SLC35F1: variants seen among roughly 807,000 people sequenced by gnomAD.
SLC35F1 encodes solute carrier family 35 member F1.
SLC35F1 carries 14 observed loss-of-function variants against 48.7 expected under a neutral mutation model. The ratio of observed to expected loss-of-function variants is 0.29; its 90% CI spans 0.19 to 0.45. The LOEUF (loss-of-function observed/expected upper bound fraction) is 0.45, where lower values mean the gene tolerates loss of function less well. Among genes scored for constraint, SLC35F1 ranks in the 20% least tolerant of loss-of-function variants. SLC35F1 has a pLI of 1.00. For missense variants in SLC35F1, 404 were observed against 500.0 expected (o/e 0.81, Z 1.83); for synonymous variants, 190 against 202.2 (o/e 0.94, Z 0.51).
chr6:118,053,733 C>G (rs1772423824), intron 1 of SLC35F1, among the ~76,000 whole-genome samples: 3 of 152,044 alleles, frequency 2.0e-5, no homozygotes, highest in Admixed American at 6.6e-5. Context: ...ACATTTCCCT[C>G]TTTTTAGGGT....
At chr6:118,106,501 T>A (rs1056323583) in intron 1 of SLC35F1, among the ~76,000 whole-genome samples, 1 of 152,210 alleles carries the variant, frequency 6.6e-6, no homozygotes. Context: ...CAGCCACTGC[T>A]AAGCTAAATC....
At chr6:118,173,415 A>C (rs1774439015) in intron 2 of SLC35F1, among the ~76,000 whole-genome samples, 1 of 150,592 alleles carries the variant, frequency 6.6e-6, no homozygotes, top group African/African-American at 2.5e-5. Flanking sequence ...AAAAAAAAAC[A>C]GCCAAAACTT....
At chr6:117,949,341 A>G (rs1198150209) in intron 1 of SLC35F1, among the ~76,000 whole-genome samples, 1 of 152,202 alleles carries the variant, frequency 6.6e-6, no homozygotes, top group Non-Finnish European at 1.5e-5. Flanking sequence ...TCTTGAAATT[A>G]TTAGGAATAA....
chr6:118,116,693 A>C (rs1773480392), intron 1 of SLC35F1, among the ~76,000 whole-genome samples: 1 of 152,078 alleles, frequency 6.6e-6, no homozygotes, highest in African/African-American at 2.4e-5. Flanking sequence ...TCATCACTTT[A>C]TTCTTATTTT....
intron 1 of SLC35F1, among the ~76,000 whole-genome samples, chr6:118,015,920 G>C (rs1351553708): frequency 6.6e-6 from 1 of 152,158 alleles, no homozygotes; most frequent in Non-Finnish European, 1.5e-5. Context: ...GTCTCTTATA[G>C]TGCTATGAAC....
At chr6:118,140,802 G>A (rs1430684160) in intron 1 of SLC35F1, among the ~76,000 whole-genome samples, 1 of 152,028 alleles carries the variant, frequency 6.6e-6, no homozygotes, top group East Asian at 1.9e-4. Context: ...GCTAATGTGT[G>A]TGCTGCATTT....
At chr6:117,989,118 C>T (rs895477672) in intron 1 of SLC35F1, among the ~76,000 whole-genome samples, 1 of 152,158 alleles carries the variant, frequency 6.6e-6, no homozygotes, top group African/African-American at 2.4e-5. Flanking sequence ...CATAGGTCAC[C>T]TCTGAAAGGG....
intron 1 of SLC35F1, among the ~76,000 whole-genome samples, chr6:118,122,969 G>C (rs1217648361): frequency 6.6e-6 from 1 of 152,168 alleles, no homozygotes; most frequent in African/African-American, 2.4e-5. Context: ...ATGGCTATAG[G>C]AGAGAAGAAA....
intron 1 of SLC35F1, among the ~76,000 whole-genome samples, chr6:118,114,197 C>T (rs572139056): frequency 6.6e-6 from 1 of 152,260 alleles, no homozygotes; most frequent in Admixed American, 6.5e-5. Context: ...TTGAACTAGG[C>T]TGTGTTGGAC....
intron 1 of SLC35F1, among the ~76,000 whole-genome samples, chr6:118,039,562 A>G (rs574080614): frequency 6.6e-5 from 10 of 151,460 alleles, no homozygotes; most frequent in African/African-American, 1.7e-4. Flanking sequence ...TCTTTTTCAG[A>G]TTGGATAATT....
intron 2 of SLC35F1, among the ~76,000 whole-genome samples, chr6:118,181,063 ATCCT>A (rs2114509994): frequency 6.6e-6 from 1 of 152,258 alleles, no homozygotes; most frequent in Non-Finnish European, 1.5e-5. Flanking sequence ...TAATAAAATT[ATCCT>A]TTAAAAAAGA....
intron 2 of SLC35F1, among the ~76,000 whole-genome samples, chr6:118,178,343 G>A (rs939104487): frequency 1.3e-5 from 2 of 152,032 alleles, no homozygotes; most frequent in African/African-American, 4.8e-5. Flanking sequence ...GGAAGATCCT[G>A]TGTTCCTACA....
chr6:117,907,948 C>T, intron 1 of SLC35F1, 49 bp downstream of exon 1: 1 of 1,292,954 alleles, frequency 7.7e-7, no homozygotes, highest in Non-Finnish European at 9.8e-7. Flanking sequence ...GCTGCGGGCG[C>T]CCGGCTCCGG....
intron 1 of SLC35F1, among the ~76,000 whole-genome samples, chr6:117,966,135 C>CA (rs1554219365): frequency 9.9e-5 from 6 of 60,824 alleles, no homozygotes; most frequent in East Asian, 8.7e-4. Context: ...GCCACCGCCC[C>CA]CCCCCCCACT....
At chr6:117,919,957 G>C (rs1775875409) in intron 1 of SLC35F1, among the ~76,000 whole-genome samples, 1 of 152,180 alleles carries the variant, frequency 6.6e-6, no homozygotes. Context: ...GGGCCTAAAA[G>C]GCTCCACAGA....
At chr6:118,031,510 C>T (rs965382611) in intron 1 of SLC35F1, among the ~76,000 whole-genome samples, 8 of 152,066 alleles carry the variant, frequency 5.3e-5, no homozygotes, top group Admixed American at 2.0e-4. Context: ...ACATGAAGAG[C>T]GAGTACTCTA....
At chr6:118,205,984 G>A (rs1306833516) in intron 2 of SLC35F1, among the ~76,000 whole-genome samples, 6 of 152,182 alleles carry the variant, frequency 3.9e-5, no homozygotes. Context: ...GACTGGGGAA[G>A]GGGGACATAG....
chr6:118,038,162 C>T (rs1772161531), intron 1 of SLC35F1, among the ~76,000 whole-genome samples: 1 of 152,092 alleles, frequency 6.6e-6, no homozygotes, highest in Non-Finnish European at 1.5e-5. Flanking sequence ...CATTAAAAGC[C>T]TACTGAAAAA....
At chr6:118,006,639 A>T (rs1777177919) in intron 1 of SLC35F1, among the ~76,000 whole-genome samples, 1 of 152,170 alleles carries the variant, frequency 6.6e-6, no homozygotes, top group Admixed American at 6.6e-5. Flanking sequence ...TAAATTAAAA[A>T]TAAATAAATA....
Sources: allele counts gnomAD v4.1 joint callset (sites outside exome capture counted in the v4.1 genomes callset), GRCh38; gene constraint gnomAD v4.1.1; transcripts MANE v1.5; gene names NCBI Gene and HGNC (gene_info 2026-07-23, HGNC 2026-07-21).